Variants in CNTNAP2 observed in about 807,000 individuals in gnomAD.
CNTNAP2 encodes the protein contactin-associated protein-like 2.
Under a neutral mutation model 155.2 loss-of-function variants are expected in CNTNAP2, and 98 were observed. That is an observed-to-expected ratio of 0.63 (90% CI 0.54 to 0.75). The LOEUF (loss-of-function observed/expected upper bound fraction) is 0.75. CNTNAP2 is among the 30% of genes least tolerant of loss of function. The pLI is 0.00. For missense variants in CNTNAP2, 1,727 were observed against 1,688.1 expected, an observed-to-expected ratio of 1.02 and a Z score of -0.40; for synonymous variants, 651 against 631.2, an observed-to-expected ratio of 1.03 and a Z score of -0.47.
At chr7:146,876,115 T>C (rs1446794926) in intron 3 of CNTNAP2, among the ~76,000 whole-genome samples, 1 of 152,006 alleles carries the variant, frequency 6.6e-6, no homozygotes, top group Non-Finnish European at 1.5e-5. Flanking sequence ...TTTTTTGCTT[T>C]GACAGATCCA....
chr7:147,859,331 G>A (rs761911502), intron 13 of CNTNAP2, among the ~76,000 whole-genome samples: 1 of 151,052 alleles, frequency 6.6e-6, no homozygotes, highest in Non-Finnish European at 1.5e-5. Flanking sequence ...AGATCACCAA[G>A]GAGAGAAAAA....
chr7:146,411,819 TTTATTTAC>T (rs147650356), intron 1 of CNTNAP2, among the ~76,000 whole-genome samples: 4,296 of 121,354 alleles, frequency 0.035, 205 homozygotes, highest in African/African-American at 0.16. Context: ...TTTTATTTTA[TTTATTTAC>T]TTATTTATTT....
At chr7:148,174,709 T>C (rs1794903229) in intron 18 of CNTNAP2, among the ~76,000 whole-genome samples, 1 of 152,218 alleles carries the variant, frequency 6.6e-6, no homozygotes, top group Non-Finnish European at 1.5e-5. Context: ...TAACTGTGGT[T>C]ATTTTTTGCA....
intron 8 of CNTNAP2, among the ~76,000 whole-genome samples, chr7:147,133,758 G>T (rs1801424326): frequency 6.6e-6 from 1 of 151,994 alleles, no homozygotes; most frequent in African/African-American, 2.4e-5. Context: ...TACTGAAAAG[G>T]ATTCAAGGAA....
chr7:146,978,249 G>C (rs1352630775), intron 3 of CNTNAP2, among the ~76,000 whole-genome samples: 1 of 152,114 alleles, frequency 6.6e-6, no homozygotes, highest in Non-Finnish European at 1.5e-5. Flanking sequence ...TAAGAGGTTT[G>C]CCATTTCAGC....
chr7:147,231,569 C>T (rs184574364), intron 8 of CNTNAP2, among the ~76,000 whole-genome samples: 3 of 152,210 alleles, frequency 2.0e-5, no homozygotes, highest in African/African-American at 7.2e-5. Context: ...CAAGAGTTCA[C>T]TTTTCTTTAC....
intron 1 of CNTNAP2, among the ~76,000 whole-genome samples, chr7:146,510,768 T>C (rs376373096): frequency 1.8e-4 from 27 of 152,170 alleles, no homozygotes; most frequent in African/African-American, 6.3e-4. Context: ...GCTTTCTTGA[T>C]TTCTTTTTCA....
chr7:147,497,437 A>C (rs1203453915), intron 11 of CNTNAP2, among the ~76,000 whole-genome samples: 1 of 152,176 alleles, frequency 6.6e-6, no homozygotes, highest in Non-Finnish European at 1.5e-5. Flanking sequence ...CTCTGCCACT[A>C]TCTGGGCCTG....
intron 3 of CNTNAP2, among the ~76,000 whole-genome samples, chr7:146,847,860 T>C (rs1014932091): frequency 6.6e-6 from 1 of 152,220 alleles, no homozygotes; most frequent in Non-Finnish European, 1.5e-5. Context: ...ATATATTTTT[T>C]AATGAAACTT....
At chr7:147,511,709 T>C (rs1799025808) in intron 11 of CNTNAP2, among the ~76,000 whole-genome samples, 2 of 152,132 alleles carry the variant, frequency 1.3e-5, no homozygotes, top group East Asian at 3.9e-4. Flanking sequence ...CCAATCATAC[T>C]TAGTCGCTGT....
chr7:146,629,684 G>A (rs943212687), intron 1 of CNTNAP2, among the ~76,000 whole-genome samples: 1 of 151,992 alleles, frequency 6.6e-6, no homozygotes, highest in African/African-American at 2.4e-5. Context: ...TATAAACTAG[G>A]CCGTATATTT....
At chr7:147,437,101 C>G (rs1284025325) in intron 10 of CNTNAP2, among the ~76,000 whole-genome samples, 1 of 151,746 alleles carries the variant, frequency 6.6e-6, no homozygotes, top group African/African-American at 2.4e-5. Context: ...TTGGTTTTCA[C>G]ATAGTTTTAA....
intron 1 of CNTNAP2, among the ~76,000 whole-genome samples, chr7:146,665,058 C>T (rs1369577487): frequency 2.0e-5 from 3 of 152,136 alleles, no homozygotes; most frequent in African/African-American, 4.8e-5. Flanking sequence ...AAGCGCTTCT[C>T]GTGCCTTAGC....
At chr7:146,247,351 C>T (rs563296541) in intron 1 of CNTNAP2, among the ~76,000 whole-genome samples, 18 of 152,120 alleles carry the variant, frequency 1.2e-4, no homozygotes, top group South Asian at 2.1e-4. Flanking sequence ...TAAGCCGGAC[C>T]GGGTGTGAGG....
intron 1 of CNTNAP2, among the ~76,000 whole-genome samples, chr7:146,132,110 C>T (rs1004631463): frequency 1.3e-5 from 2 of 152,102 alleles, no homozygotes; most frequent in African/African-American, 4.8e-5. Context: ...CTGTAATAAA[C>T]TCATGCAGTA....
intron 1 of CNTNAP2, among the ~76,000 whole-genome samples, chr7:146,683,677 G>A (rs1032506959): frequency 2.0e-5 from 3 of 152,142 alleles, no homozygotes; most frequent in African/African-American, 7.2e-5. Context: ...TACCCCATAG[G>A]AGAAGTTTAG....
intron 1 of CNTNAP2, among the ~76,000 whole-genome samples, chr7:146,449,031 G>A (rs1376260944): frequency 6.6e-6 from 1 of 151,928 alleles, no homozygotes; most frequent in African/African-American, 2.4e-5. Context: ...TTTCTTTTCT[G>A]TGTTGCCGAG....
chr7:147,253,973 C>T (rs901286902), intron 8 of CNTNAP2, among the ~76,000 whole-genome samples: 24 of 152,222 alleles, frequency 1.6e-4, no homozygotes, highest in African/African-American at 4.8e-4. Flanking sequence ...ACAGTAAGTG[C>T]GAAAAATGGG....
At chr7:148,360,968 C>T (rs751442784) in intron 21 of CNTNAP2, among the ~76,000 whole-genome samples, 7 of 152,004 alleles carry the variant, frequency 4.6e-5, no homozygotes, top group Non-Finnish European at 1.0e-4. Flanking sequence ...ACCACCATAC[C>T]CAGCTAATTT....
Sources: gnomAD v4.1 joint callset for allele counts (sites outside exome capture counted in the v4.1 genomes callset) on GRCh38, gnomAD v4.1.1 for gene constraint, MANE v1.5 for transcripts, NCBI Gene and HGNC (gene_info 2026-07-23, HGNC 2026-07-21) for gene names.